Variants in RHCG observed in about 807,000 individuals in gnomAD.
The protein encoded by RHCG is Rh family C glycoprotein.
In RHCG, 39 loss-of-function variants were observed where a neutral mutation model predicts 55.3. The ratio of observed to expected loss-of-function variants is 0.70; its 90% CI spans 0.55 to 0.92. The LOEUF (loss-of-function observed/expected upper bound fraction) is 0.92, where lower values mean the gene tolerates loss of function less well. RHCG is among the 40% of genes least tolerant of loss of function. The pLI is 0.00. For synonymous variants in RHCG, 250 were observed against 246.8 expected, an observed-to-expected ratio of 1.01 and a Z score of -0.12; for missense variants, 635 against 627.9, an observed-to-expected ratio of 1.01 and a Z score of -0.12.
chr15:89,486,713 A>G, intron 2 of RHCG, 86 bp downstream of exon 2: 1 of 1,433,424 alleles, frequency 7.0e-7, no homozygotes, highest in Non-Finnish European at 9.5e-7. Flanking sequence ...GGTCCCGCCG[A>G]TGGGCACGCC....
In RHCG at chr15:89,480,465, C is replaced by T. The variant is rs1961246966; in HGVS notation, c.523-57G>A. On this transcript the variant is annotated intron_variant, in intron 3 of 10. Coordinates refer to ENST00000268122, the MANE Select transcript of RHCG (RefSeq NM_016321.3). ...ACCTTCTCTCCCTCCCTCCTCATTG[C>T]CGTCCCTGTCTTGCCACACACACAC... is the stretch of plus-strand genomic sequence containing the variant. The T allele has an allele frequency of 1.9e-6, 3 of 1,570,370 alleles. No individual in the cohort carries two copies. In the Admixed American group the frequency reaches 5.2e-5, roughly 27 times the overall value.
At chr15:89,488,165 T>A (rs1160839783) in intron 1 of RHCG, among the ~76,000 whole-genome samples, 1 of 152,238 alleles carries the variant, frequency 6.6e-6, no homozygotes, top group African/African-American at 2.4e-5. Context: ...AAAGCAATTA[T>A]GTGTTATAAT....
intron 1 of RHCG, among the ~76,000 whole-genome samples, chr15:89,490,737 G>A (rs1410359972): frequency 1.3e-5 from 2 of 152,012 alleles, no homozygotes; most frequent in Admixed American, 6.6e-5. Context: ...CTGCGTGGGA[G>A]GGAGGTGCTG....
chr15:89,488,912 G>C (rs958254628), intron 1 of RHCG, among the ~76,000 whole-genome samples: 1 of 152,090 alleles, frequency 6.6e-6, no homozygotes, highest in South Asian at 2.1e-4. Context: ...TGATTACTAT[G>C]GTTATGGAAG....
In RHCG at chr15:89,477,467, G is replaced by A; in HGVS notation, c.1112+50C>T. On this transcript the variant is annotated intron_variant, in intron 7 of 10. Transcript: ENST00000268122. This position sits in a 1 kb window ranked among gnomAD's most constrained non-coding sequence, Gnocchi z 4.5. ...CAGAGGAATAGCAGGAAGAAGGGAT[G>A]GGAGAAGGAAGGGGGAAGCTCCATC... 6.2e-7 allele frequency: 1 copy of A among 1,603,836 alleles called. No homozygotes were observed. Among genetic ancestry groups the A allele is most frequent in the Non-Finnish European group, 8.5e-7 (1 of 1,173,960 alleles).
chr15:89,489,520 G>T (rs961284926), intron 1 of RHCG, among the ~76,000 whole-genome samples: 1 of 152,042 alleles, frequency 6.6e-6, no homozygotes, highest in African/African-American at 2.4e-5. Context: ...GAGACTCCAG[G>T]GCCCTGACAG....
chr15:89,480,708 A>T (rs926227857), intron 3 of RHCG, among the ~76,000 whole-genome samples: 14 of 152,212 alleles, frequency 9.2e-5, no homozygotes, highest in African/African-American at 3.1e-4. Flanking sequence ...CAGAGGCAGA[A>T]CTGAGGGAAA....
chr15:89,495,317 C>T (rs1012635228), intron 1 of RHCG, among the ~76,000 whole-genome samples: 2 of 152,138 alleles, frequency 1.3e-5, no homozygotes, highest in African/African-American at 4.8e-5. Context: ...GATAGAGAAT[C>T]CCCTGTTGCC....
At chr15:89,476,103 AT>A (rs1025083476) in intron 9 of RHCG, among the ~76,000 whole-genome samples, 1 of 143,214 alleles carries the variant, frequency 7.0e-6, no homozygotes, top group African/African-American at 2.7e-5. Context: ...ATCTTGCTCT[AT>A]TGCCCAGGCT....
At chr15:89,489,915 C>T (rs989935086) in intron 1 of RHCG, among the ~76,000 whole-genome samples, 14 of 152,326 alleles carry the variant, frequency 9.2e-5, no homozygotes, top group Middle Eastern at 3.4e-3. Context: ...TATCCCACTA[C>T]GCTATAAAAC....
At chr15:89,485,069 T>C (rs1331524149) in intron 2 of RHCG, among the ~76,000 whole-genome samples, 1 of 152,180 alleles carries the variant, frequency 6.6e-6, no homozygotes, top group Non-Finnish European at 1.5e-5. Context: ...CCAAGTCAGG[T>C]GCTGAAAAAT....
At chr15:89,487,252 C>G (rs1212896692) in intron 1 of RHCG, among the ~76,000 whole-genome samples, 1 of 152,128 alleles carries the variant, frequency 6.6e-6, no homozygotes, top group Non-Finnish European at 1.5e-5. Context: ...GAGGTGGGCC[C>G]CCACCTTAGC....
intron 3 of RHCG, among the ~76,000 whole-genome samples, chr15:89,481,365 G>A (rs1428376220): frequency 6.6e-6 from 1 of 151,888 alleles, no homozygotes; most frequent in African/African-American, 2.4e-5. Flanking sequence ...CATGAGAATC[G>A]CTTGAACCCG....
chr15:89,485,040 C>A (rs9652514), intron 2 of RHCG, among the ~76,000 whole-genome samples: 1 of 152,058 alleles, frequency 6.6e-6, no homozygotes, highest in African/African-American at 2.4e-5. Flanking sequence ...ATCCCAGCCC[C>A]GGGCACCAGA....
At position 89,476,741 on chromosome 15, in the gene RHCG, T is replaced by A; in HGVS notation, c.1311+14A>T. The stretch of plus-strand genomic sequence containing the variant: ...AGCTGCCCTCCTTCAGGGGGCCAAG[T>A]CCCTGGAACTCACCTCCCAGTAGAC... On this transcript the variant is annotated intron_variant, in intron 9 of 10. Coordinates refer to ENST00000268122, the MANE Select transcript of RHCG (RefSeq NM_016321.3). 1 of 1,612,318 alleles carries A rather than the reference T, an allele frequency of 6.2e-7. No homozygotes were observed. Among genetic ancestry groups the A allele is most frequent in the Admixed American group, 1.7e-5 (1 of 60,008 alleles).
At chr15:89,487,032 G>T (rs765343964) in intron 1 of RHCG, 47 bp from the exon 2 acceptor site, 6 of 1,493,156 alleles carry the variant, frequency 4.0e-6, no homozygotes, top group Non-Finnish European at 4.5e-6. Context: ...GCGAAGGTTC[G>T]TCCCAGCCCT....
Position 89,483,165 on chromosome 15 carries a change from C to T in RHCG, c.424G>A (p.Val142Ile). The T allele has an allele frequency of 6.2e-7, 1 of 1,602,632 alleles. No individual in the cohort carries two copies. The highest frequency in any genetic ancestry group is 8.5e-7 in the Non-Finnish European group (1 of 1,170,620). The change falls in exon 3 of 11, where the codon GTT becomes ATT. Residue 142 changes from valine (V) to isoleucine (I), a missense_variant. By Grantham distance (29) the Val-to-Ile change is conservative. Transcript: ENST00000268122. ...VASVCVAFGA[V>I]LGKVSPIQLL... is the part of the protein sequence containing the mutation. ...TGAATGGGGCTGACTTTACCCAGAA[C>T]TGCCCCAAAGGCCACGCAGACAGAG...
In RHCG at chr15:89,484,158, G is replaced by T. The variant is rs189483205; in HGVS notation, c.372-941C>A. ...CTCAGGGCTGTGTGTATGAGAGAGAGAATGGGGTGAGGAGTGAGAATGAAA... is the reference window on the plus strand; with the variant it reads ...CTCAGGGCTGTGTGTATGAGAGAGATAATGGGGTGAGGAGTGAGAATGAAA... On this transcript the variant is annotated intron_variant, in intron 2 of 10. Coordinates refer to ENST00000268122, the MANE Select transcript of RHCG (RefSeq NM_016321.3). Among the ~76,000 whole-genome samples, 18 of 152,314 alleles carry T rather than the reference G, an allele frequency of 1.2e-4. No individual in the cohort carries two copies. In the East Asian group the frequency reaches 2.1e-3, roughly 18 times the overall value.
chr15:89,479,224 G>C lies in RHCG; in HGVS notation c.837+98C>G. ...CTCCCCCAACCTCATCTGCAAGATG[G>C]GTGTGATGATCCCCTCAGAGGTGTT... On this transcript the variant is annotated intron_variant, in intron 5 of 10. Transcript: ENST00000268122. 3.9e-6 allele frequency: 5 copies of C among 1,267,094 alleles called. No individual in the cohort carries two copies. In the East Asian group the frequency reaches 7.5e-5, roughly 19 times the overall value. The allele number at this position is 1,267,094 out of a possible 1,614,324, so 78.5% of individuals were successfully genotyped here.
Sources: allele counts gnomAD v4.1 joint callset (sites outside exome capture counted in the v4.1 genomes callset), GRCh38; gene constraint gnomAD v4.1.1; non-coding constraint Gnocchi (gnomAD v3.1); transcripts MANE v1.5; gene names NCBI Gene and HGNC (gene_info 2026-07-23, HGNC 2026-07-21).